The following PCDHGB3 variants were observed in gnomAD, a reference collection of about 807,000 sequenced individuals.
PCDHGB3 encodes the protein protocadherin gamma subfamily B, 3.
In PCDHGB3, 40 loss-of-function variants were observed where a neutral mutation model predicts 59.2. The ratio of observed to expected loss-of-function variants is 0.68; its 90% CI spans 0.52 to 0.88. PCDHGB3 has a LOEUF of 0.88. PCDHGB3 is among the 40% of genes least tolerant of loss of function. The pLI is 0.00. For missense variants in PCDHGB3, 1,309 were observed against 1,187.9 expected (o/e 1.10, Z -1.50); for synonymous variants, 581 against 503.6 (o/e 1.15, Z -2.06).
At chr5:141,413,220 C>A in intron 1 of PCDHGB3, 1 of 1,613,330 alleles carries the variant, frequency 6.2e-7, no homozygotes, top group South Asian at 1.1e-5. Flanking sequence ...AGGATTGCAG[C>A]GGGCTGGTCC....
intron 1 of PCDHGB3, chr5:141,417,547 G>C (rs756455730): frequency 9.7e-5 from 31 of 318,264 alleles, no homozygotes; most frequent in Non-Finnish European, 1.5e-4. Flanking sequence ...AAAATTCCTT[G>C]AAAGAGGTAG....
chr5:141,470,650 T>C (rs2099235744), intron 1 of PCDHGB3, among the ~76,000 whole-genome samples: 1 of 152,184 alleles, frequency 6.6e-6, no homozygotes, highest in Non-Finnish European at 1.5e-5. Context: ...TGAAGGCCCC[T>C]ACCCTTTGGT....
At chr5:141,410,011 G>A in intron 1 of PCDHGB3, 1 of 1,613,302 alleles carries the variant, frequency 6.2e-7, no homozygotes, top group Non-Finnish European at 8.5e-7. Context: ...ACAACGCCTG[G>A]CTGTCCTACC....
chr5:141,413,207 C>CA lies in PCDHGB3; in HGVS notation c.2415+40401dup, dbSNP rs753988593. On this transcript the variant is annotated intron_variant, in intron 1 of 3. Transcript: ENST00000576222. The stretch of plus-strand genomic sequence containing the variant: ...GCTCAAAGGAATCGCTCAAAGGAAT[C>CA]AAAGGATTGCAGCGGGCTGGTCCTG... The CA allele has an allele frequency of 1.7e-5, 27 of 1,612,874 alleles. No homozygotes were observed. In the East Asian group the frequency reaches 6.0e-4, roughly 36 times the overall value.
chr5:141,499,836 A>G (rs2099794751), intron 2 of PCDHGB3, among the ~76,000 whole-genome samples: 1 of 151,894 alleles, frequency 6.6e-6, no homozygotes, highest in African/African-American at 2.4e-5. Flanking sequence ...ACAGGTGTGC[A>G]CCACCACACA....
intron 1 of PCDHGB3, among the ~76,000 whole-genome samples, chr5:141,373,413 C>T (rs1769555622): frequency 6.6e-6 from 1 of 152,186 alleles, no homozygotes; most frequent in African/African-American, 2.4e-5. Flanking sequence ...GTCCCAGCTA[C>T]TCGGGAGGCT....
chr5:141,404,948 G>C, intron 1 of PCDHGB3: 2 of 1,613,956 alleles, frequency 1.2e-6, no homozygotes, highest in Non-Finnish European at 1.7e-6. Context: ...AGCCATAGCT[G>C]ACAGCATCCC....
At chr5:141,389,793 C>G in intron 1 of PCDHGB3, 1 of 1,613,570 alleles carries the variant, frequency 6.2e-7, no homozygotes, top group Non-Finnish European at 8.5e-7. Flanking sequence ...GGACGCCGTC[C>G]GCCAGCGCCT....
At chr5:141,388,539 G>T (rs747974278) in intron 1 of PCDHGB3, 1 of 1,613,740 alleles carries the variant, frequency 6.2e-7, no homozygotes. Context: ...GGACTTTGGA[G>T]CTCCACCCCT....
Position 141,487,059 on chromosome 5 carries a change from G to A in PCDHGB3, c.2416-7748G>A, listed in dbSNP as rs760836605. 1.7e-5 allele frequency: 27 copies of A among 1,613,952 alleles called. No homozygotes were observed. Among genetic ancestry groups the A allele is most frequent in the Non-Finnish European group, 2.0e-5 (24 of 1,179,994 alleles). On this transcript the variant is annotated intron_variant, in intron 1 of 3. Transcript: ENST00000576222. This position sits in a 1 kb window ranked among gnomAD's most constrained non-coding sequence, Gnocchi z 5.0. ...GTCTCTCGATATGCTGGGGAGGTGC[G>A]GACGGCTGTTCCTATCCCAGCTGAC...
chr5:141,402,842 A>G, intron 1 of PCDHGB3: 1 of 1,396,816 alleles, frequency 7.2e-7, no homozygotes, highest in Non-Finnish European at 9.4e-7. Flanking sequence ...AGCAAAACTC[A>G]GCCTCTTTCT....
intron 1 of PCDHGB3, chr5:141,384,235 A>C (rs1779874846): frequency 1.2e-6 from 2 of 1,613,774 alleles, no homozygotes; most frequent in Admixed American, 1.7e-5. Context: ...GGCAGACACC[A>C]ACGATAACCC....
intron 1 of PCDHGB3, among the ~76,000 whole-genome samples, chr5:141,492,996 AG>A: frequency 6.6e-6 from 1 of 152,348 alleles, no homozygotes; most frequent in Admixed American, 6.5e-5. Flanking sequence ...GCAGATGGAA[AG>A]CTATAGGCTC....
chr5:141,394,292 G>A (rs1173905383), intron 1 of PCDHGB3: 18 of 1,613,852 alleles, frequency 1.1e-5, no homozygotes, highest in Non-Finnish European at 1.4e-5. Flanking sequence ...CTGTGACCGA[G>A]GACACGCTGC....
In PCDHGB3 at chr5:141,485,910, G is replaced by C. The variant is rs142273728; in HGVS notation, c.2416-8897G>C. On this transcript the variant is annotated intron_variant, in intron 1 of 3. Transcript: ENST00000576222. The surrounding 1 kb of genome is among the most constrained non-coding windows in gnomAD (Gnocchi z 5.7). ...AACGCCCCAGCCTTCCAGCAATCCAGCTACAGGATTAGTGTGTTGGAGAGC... is the reference window on the plus strand; with the variant it reads ...AACGCCCCAGCCTTCCAGCAATCCACCTACAGGATTAGTGTGTTGGAGAGC... The C allele has an allele frequency of 1.2e-6, 2 of 1,614,078 alleles. No homozygotes were observed. Among genetic ancestry groups the C allele is most frequent in the African/African-American group, 2.7e-5 (2 of 74,932 alleles).
chr5:141,459,302 A>G (rs1401348885), intron 1 of PCDHGB3, among the ~76,000 whole-genome samples: 1 of 152,328 alleles, frequency 6.6e-6, no homozygotes, highest in Admixed American at 6.5e-5. Context: ...CCTATAACAT[A>G]TACTATTTTG....
At position 141,370,566 on chromosome 5, in the gene PCDHGB3, G is replaced by A. The variant is rs1435194391; in HGVS notation, c.172G>A (p.Val58Met). The A allele has an allele frequency of 1.9e-6, 3 of 1,613,936 alleles. No homozygotes were observed. The highest frequency in any genetic ancestry group is 2.5e-6 in the Non-Finnish European group (3 of 1,179,898). The change falls in exon 1 of 4, where the codon GTG becomes ATG. Residue 58 changes from valine to methionine, a missense_variant. Coordinates refer to ENST00000576222, the MANE Select transcript of PCDHGB3 (RefSeq NM_018924.5). ...CCTCGCCAAGGACCTGGGGTTTGGC[G>A]TGGGGGATTTACCTACTAGGAACCT... ...GNLAKDLGFGVGDLPTRNLRV... is the reference protein window; with the variant it reads ...GNLAKDLGFGMGDLPTRNLRV...
Position 141,431,432 on chromosome 5 carries a change from AC to A in PCDHGB3, c.2415+58625del. 2 of 1,613,692 alleles carry A rather than the reference AC, an allele frequency of 1.2e-6. No individual in the cohort carries two copies. Among genetic ancestry groups the A allele is most frequent in the Non-Finnish European group, 1.7e-6 (2 of 1,180,026 alleles). On this transcript the variant is annotated intron_variant, in intron 1 of 3. Transcript: ENST00000576222. The surrounding 1 kb of genome is among the most constrained non-coding windows in gnomAD (Gnocchi z 4.8). ...CGGGGGCGACCCGGTGCGCACAGGC[AC>A]CGCGCGCATCCGCGTGATGGTTCTG... is the stretch of plus-strand genomic sequence containing the variant.
intron 1 of PCDHGB3, chr5:141,384,677 C>T (rs919957351): frequency 2.5e-6 from 4 of 1,614,188 alleles, no homozygotes; most frequent in South Asian, 1.1e-5. Context: ...AAGGTGGTGG[C>T]GGTGGACAAA....
Sources: allele counts gnomAD v4.1 joint callset (sites outside exome capture counted in the v4.1 genomes callset), GRCh38; gene constraint gnomAD v4.1.1; non-coding constraint Gnocchi (gnomAD v3.1); transcripts MANE v1.5; gene names NCBI Gene and HGNC (gene_info 2026-07-23, HGNC 2026-07-21).